The following TNC variants were observed in gnomAD, a reference collection of about 807,000 sequenced individuals.
TNC encodes the protein tenascin C.
Under a neutral mutation model 202.4 loss-of-function variants are expected in TNC, and 109 were observed. The observed-to-expected ratio is 0.54, with a 90% CI of 0.46 to 0.63. TNC has a LOEUF of 0.63. Ranked by LOEUF, TNC falls within the 30% of genes least tolerant of loss-of-function variation. The pLI is 0.00. For missense variants in TNC, 2,756 were observed against 2,833.3 expected (o/e 0.97, Z 0.62); for synonymous variants, 1,007 against 1,089.7 (o/e 0.92, Z 1.50).
chr9:115,100,677 A>C (rs1032649932), intron 1 of TNC, among the ~76,000 whole-genome samples: 1 of 152,188 alleles, frequency 6.6e-6, no homozygotes, highest in Non-Finnish European at 1.5e-5. Context: ...TACAGTTAAT[A>C]ATAATGCATT....
chr9:115,035,097 C>T (rs1358503975), intron 22 of TNC, 107 bp downstream of exon 22: 3 of 1,349,606 alleles, frequency 2.2e-6, no homozygotes, highest in South Asian at 1.5e-5. Flanking sequence ...TTTTCAGCTC[C>T]CCAGATGCAC....
At position 115,084,475 on chromosome 9, in the gene TNC, G is replaced by C; in HGVS notation, c.1868-3C>G. ...AACGAGGTCTTTGGGAGGAGACACT[G>C]GCAGGAATAAGAAAGGACATCTGGT... is the stretch of plus-strand genomic sequence containing the variant. On this transcript the variant is annotated splice_region_variant and splice_polypyrimidine_tract_variant and intron_variant, in intron 3 of 27. Transcript: ENST00000350763. 6.2e-7 allele frequency: 1 copy of C among 1,613,644 alleles called. No individual in the cohort carries two copies. Among genetic ancestry groups the C allele is most frequent in the Non-Finnish European group, 8.5e-7 (1 of 1,179,632 alleles).
intron 9 of TNC, 97 bp from the exon 10 acceptor site, chr9:115,073,963 C>A: frequency 7.5e-7 from 1 of 1,329,828 alleles, no homozygotes; most frequent in Non-Finnish European, 1.0e-6. Context: ...AATCCTAGGT[C>A]TGCCACAGAG....
chr9:115,059,610 C>T (rs765369569), intron 14 of TNC, 120 bp downstream of exon 14: 21 of 1,085,560 alleles, frequency 1.9e-5, no homozygotes, highest in African/African-American at 3.2e-5. Context: ...CATGCACAGC[C>T]GGCCACTGAA....
chr9:115,089,432 G>T (rs1835039132), intron 2 of TNC, among the ~76,000 whole-genome samples: 2 of 152,190 alleles, frequency 1.3e-5, no homozygotes, highest in Non-Finnish European at 2.9e-5. Context: ...GGGCATCCAT[G>T]GGAGAGTATG....
rs1830334358 is a variant in TNC at position 115,036,343 on chromosome 9, TCAGTGAC to T, written c.5513-109_5513-103del. On this transcript the variant is annotated intron_variant, in intron 20 of 27. Coordinates refer to ENST00000350763, the MANE Select transcript of TNC (RefSeq NM_002160.4). ...ACACCTCCTTCGAACATCGAAACTT[TCAGTGAC>T]CCTGCGGAAAAGCAGGTCTGATTTC... 7.5e-6 allele frequency: 10 copies of T among 1,328,406 alleles called. No homozygotes were observed. The East Asian group carries it at 2.3e-4, about 31-fold the overall frequency. The allele number at this position is 1,328,406 out of a possible 1,614,324, so 82.3% of individuals were successfully genotyped here.
At position 115,081,700 on chromosome 9, in the gene TNC, CT is replaced by C. The variant is rs1834315688; in HGVS notation, c.2404+71del. On this transcript the variant is annotated intron_variant, in intron 6 of 27. Coordinates refer to ENST00000350763, the MANE Select transcript of TNC (RefSeq NM_002160.4). Reference sequence around the variant, plus strand: ...GATGTAGATGCTATATGAGAAGGCACTTTCTCAACCAGGAGGTGCTATGAGG... The same window carrying C: ...GATGTAGATGCTATATGAGAAGGCACTTCTCAACCAGGAGGTGCTATGAGG... 4.5e-6 allele frequency: 7 copies of C among 1,562,306 alleles called. No individual in the cohort carries two copies. In the East Asian group the frequency reaches 1.6e-4, roughly 35 times the overall value.
chr9:115,033,737 A>G (rs754636162), intron 22 of TNC, among the ~76,000 whole-genome samples: 2 of 152,254 alleles, frequency 1.3e-5, no homozygotes, highest in Non-Finnish European at 2.9e-5. Flanking sequence ...CCCACTAAAA[A>G]GAGAGCAAGA....
intron 1 of TNC, among the ~76,000 whole-genome samples, chr9:115,108,142 C>T (rs1254443159): frequency 4.6e-5 from 7 of 152,142 alleles, no homozygotes; most frequent in African/African-American, 7.2e-5. Flanking sequence ...GTTTTCCTTC[C>T]TGGGCATGCC....
intron 7 of TNC, among the ~76,000 whole-genome samples, chr9:115,077,586 G>T (rs1463624988): frequency 6.6e-6 from 1 of 152,220 alleles, no homozygotes; most frequent in African/African-American, 2.4e-5. Context: ...TTAAAATAAT[G>T]CCGTAGGCTA....
Position 115,029,464 on chromosome 9 carries a change from C to T in TNC, c.6073-8G>A. ...TTTGCGTCTCAGGAACACCTATAAA[C>T]ATATCGATGAATCTGGGTGTACTTA... On this transcript the variant is annotated splice_region_variant and splice_polypyrimidine_tract_variant and intron_variant, in intron 24 of 27. Coordinates refer to ENST00000350763, the MANE Select transcript of TNC (RefSeq NM_002160.4). The T allele has an allele frequency of 2.5e-6, 4 of 1,613,780 alleles. No individual in the cohort carries two copies. The highest frequency in any genetic ancestry group is 3.4e-6 in the Non-Finnish European group (4 of 1,179,678).
intron 25 of TNC, among the ~76,000 whole-genome samples, chr9:115,029,035 GAAAAAAAA>G (rs71375266): frequency 1.4e-5 from 1 of 71,214 alleles, no homozygotes; most frequent in Non-Finnish European, 2.6e-5. Context: ...ATTATCTCTG[GAAAAAAAA>G]AAAAAAAAAA....
At chr9:115,099,330 G>A (rs187767542) in intron 1 of TNC, among the ~76,000 whole-genome samples, 2 of 152,282 alleles carry the variant, frequency 1.3e-5, no homozygotes, top group Non-Finnish European at 2.9e-5. Context: ...GGTATAGAAA[G>A]CAGACATGTA....
intron 18 of TNC, among the ~76,000 whole-genome samples, chr9:115,041,399 T>G (rs1159945453): frequency 6.6e-6 from 1 of 152,080 alleles, no homozygotes; most frequent in Non-Finnish European, 1.5e-5. Context: ...ATCTTATTAT[T>G]TTTCCCCACA....
At chr9:115,099,744 T>A (rs557934507) in intron 1 of TNC, among the ~76,000 whole-genome samples, 4 of 152,242 alleles carry the variant, frequency 2.6e-5, no homozygotes, top group Non-Finnish European at 5.9e-5. Flanking sequence ...ATTGGTATTA[T>A]ATGATTATTC....
Position 115,069,689 on chromosome 9 carries a change from TCCC to T in TNC, c.3214+3911_3214+3913del, listed in dbSNP as rs1564467308. Among the ~76,000 whole-genome samples, 10 of 8,774 alleles carry T rather than the reference TCCC, an allele frequency of 1.1e-3. 1 individual carries two copies. The highest frequency in any genetic ancestry group is 3.9e-3 in the African/African-American group (6 of 1,536). 5.8% of individuals were successfully genotyped at this position (8,774 alleles called of 152,430 possible). The stretch of plus-strand genomic sequence containing the variant: ...CTCCCTTCCTCCCTCCCTCCCTCCC[TCCC>T]TCCCTCCCTCCCTCCCTTCCTTCCT... On this transcript the variant is annotated intron_variant, in intron 10 of 27. Coordinates refer to ENST00000350763, the MANE Select transcript of TNC (RefSeq NM_002160.4).
chr9:115,079,240 T>G (rs547817543), intron 6 of TNC, among the ~76,000 whole-genome samples: 1 of 151,722 alleles, frequency 6.6e-6, no homozygotes. Context: ...TTTTTTTTTT[T>G]AAATGTGTTT....
Position 115,021,148 on chromosome 9 carries a change from C to T in TNC, c.*9G>A, listed in dbSNP as rs766177626. The T allele has an allele frequency of 1.2e-6, 2 of 1,609,036 alleles. No individual in the cohort carries two copies. The highest frequency in any genetic ancestry group is 2.2e-5 in the East Asian group (1 of 44,846). On this transcript the variant is annotated 3_prime_UTR_variant, in exon 28 of 28. Coordinates refer to ENST00000350763, the MANE Select transcript of TNC (RefSeq NM_002160.4). ...CCTTATTCCTCTCTCACCCAGTGGTCCCTGGAATTTATGCCCGTTTGCGCC... is the reference window on the plus strand; with the variant it reads ...CCTTATTCCTCTCTCACCCAGTGGTTCCTGGAATTTATGCCCGTTTGCGCC...
rs3827816 is a variant in TNC, at chr9:115,085,918, C to T, written c.1813G>A (p.Val605Ile). 29,612 of 1,613,128 alleles carry T rather than the reference C, an allele frequency of 0.018. 2,917 individuals carry two copies. In the East Asian group the frequency reaches 0.34, roughly 18 times the overall value. The change falls in exon 3 of 28, where the codon GTC becomes ATC. Residue 605 changes from valine (V) to isoleucine (I), a missense_variant. Coordinates refer to ENST00000350763, the MANE Select transcript of TNC (RefSeq NM_002160.4). ...PSDCNNLGQC[V>I]SGRCICNEGY... ...TCGTTGCAGATGCAGCGGCCCGAGA[C>T]GCATTGTCCTAAGTTGTTGCAGTCA...
Sources: allele counts gnomAD v4.1 joint callset (sites outside exome capture counted in the v4.1 genomes callset), GRCh38; gene constraint gnomAD v4.1.1; transcripts MANE v1.5; gene names NCBI Gene and HGNC (gene_info 2026-07-23, HGNC 2026-07-21).